CC2D2B: variants seen among roughly 807,000 people sequenced by gnomAD.
The protein encoded by CC2D2B is coiled-coil and C2 domain containing 2B.
In CC2D2B, 128 loss-of-function variants were observed where a neutral mutation model predicts 161.2. The observed-to-expected ratio is 0.79, with a 90% CI of 0.69 to 0.92. The LOEUF (loss-of-function observed/expected upper bound fraction) is 0.92, where lower values mean the gene tolerates loss of function less well. Among genes scored for constraint, CC2D2B ranks in the 40% least tolerant of loss-of-function variants. CC2D2B has a pLI of 0.00. For missense variants in CC2D2B, 1,173 were observed against 1,375.1 expected (o/e 0.85, Z 2.32); for synonymous variants, 391 against 449.8 (o/e 0.87, Z 1.65).
At chr10:96,007,940 G>A (rs898180524) in intron 25 of CC2D2B, among the ~76,000 whole-genome samples, 1 of 152,030 alleles carries the variant, frequency 6.6e-6, no homozygotes, top group African/African-American at 2.4e-5. Context: ...TGATTAGCAT[G>A]CAATAATCTG....
At chr10:96,022,827 T>G (rs2079527916) in intron 32 of CC2D2B, 1 of 152,222 alleles carries the variant, frequency 6.6e-6, no homozygotes. Context: ...CAGAAGATAT[T>G]ATGGTGCTTT....
At position 96,033,351 on chromosome 10, in the gene CC2D2B, A is replaced by T. The variant is rs2080118440; in HGVS notation, c.*1343A>T. Among the ~76,000 whole-genome samples, 1 of 152,200 alleles carries T rather than the reference A, an allele frequency of 6.6e-6. No homozygotes were observed. The highest frequency in any genetic ancestry group is 6.5e-5 in the Admixed American group (1 of 15,274). ...GGCAAAGTAGGGACATGGGTGAAGG[A>T]ATGTTTTTTTCTCCCAGGTTAAAAC... On this transcript the variant is annotated 3_prime_UTR_variant, in exon 35 of 35. Transcript: ENST00000646931.
At chr10:95,975,619 A>G (rs1489048463) in intron 17 of CC2D2B, among the ~76,000 whole-genome samples, 4 of 152,226 alleles carry the variant, frequency 2.6e-5, no homozygotes, top group Non-Finnish European at 5.9e-5. Context: ...AAGGTCCTTC[A>G]GAGTCAGGAA....
intron 30 of CC2D2B, 150 bp from the exon 31 acceptor site, chr10:96,019,053 C>T (rs1279376034): frequency 3.4e-6 from 2 of 582,424 alleles, no homozygotes; most frequent in East Asian, 3.1e-5. Flanking sequence ...GTGATCCTCC[C>T]ACCTCAGCCT....
At chr10:95,986,393 T>C (rs1243654296) in intron 19 of CC2D2B, among the ~76,000 whole-genome samples, 1 of 151,624 alleles carries the variant, frequency 6.6e-6, no homozygotes, top group Admixed American at 6.6e-5. Flanking sequence ...TGGAAAAGAA[T>C]GAAGGATGCA....
chr10:95,985,873 T>G (rs1302550061), intron 19 of CC2D2B, among the ~76,000 whole-genome samples: 1 of 152,148 alleles, frequency 6.6e-6, no homozygotes, highest in African/African-American at 2.4e-5. Flanking sequence ...CTTTTACAGT[T>G]GTGGATACAG....
chr10:95,973,178 A>AGAAC (rs930550370), intron 16 of CC2D2B, among the ~76,000 whole-genome samples: 4 of 152,106 alleles, frequency 2.6e-5, no homozygotes, highest in African/African-American at 9.7e-5. Flanking sequence ...GAACGAGGGA[A>AGAAC]GAACGGAGTT....
intron 20 of CC2D2B, among the ~76,000 whole-genome samples, chr10:95,991,106 A>C (rs899570705): frequency 1.3e-5 from 2 of 152,212 alleles, no homozygotes; most frequent in African/African-American, 4.8e-5. Flanking sequence ...AAAATAAGAG[A>C]GCAAAGAGTT....
intron 19 of CC2D2B, among the ~76,000 whole-genome samples, chr10:95,984,104 C>A (rs1049101838): frequency 7.2e-5 from 11 of 152,212 alleles, no homozygotes; most frequent in Admixed American, 2.6e-4. Context: ...AATGTATCAC[C>A]AATTTAAAAG....
Position 95,972,184 on chromosome 10 carries a change from T to C in CC2D2B, c.1763T>C (p.Leu588Pro). The C allele has an allele frequency of 8.1e-7, 1 of 1,232,110 alleles. No individual in the cohort carries two copies. The highest frequency in any genetic ancestry group is 1.0e-6 in the Non-Finnish European group (1 of 987,904). The allele number at this position is 1,232,110 out of a possible 1,614,324, so 76.3% of individuals were successfully genotyped here. ...TATGTAGAGTTTAGCTCTGATAAGC[T>C]GGTCATGCCTGCCGATGGAGAAGTA... ...LQYVEFSSDK[L>P]VMPADGEVGS... Residue 588 changes from leucine to proline, a missense_variant, in exon 16 of 35, where the codon CTG becomes CCG. Around this residue, in one of 3 missense-constraint regions of CC2D2B, gnomAD observed 277 missense variants for 420.6 expected, o/e 0.66. Coordinates refer to ENST00000646931, the MANE Select transcript of CC2D2B (RefSeq NM_001349008.3).
chr10:95,986,788 G>T (rs780577967), intron 19 of CC2D2B, among the ~76,000 whole-genome samples: 7 of 151,844 alleles, frequency 4.6e-5, no homozygotes, highest in Non-Finnish European at 1.0e-4. Context: ...GTAGAGACAG[G>T]GTTTTGTCAT....
chr10:96,019,618 CTG>C (rs2079366337), intron 31 of CC2D2B, 82 bp from the exon 32 acceptor site: 3 of 1,325,428 alleles, frequency 2.3e-6, no homozygotes, highest in Non-Finnish European at 3.1e-6. Flanking sequence ...AGTAGTAAGA[CTG>C]TAAAATTTTG....
At position 95,961,926 on chromosome 10, in the gene CC2D2B, G is replaced by A; in HGVS notation, c.1207G>A (p.Gly403Arg). ...GAAACAGATTAAATCTCTTCGACAT[G>A]GGCAAGGGTTTACAAGCACCCCAAT... ...TWKQIKSLRH[G>R]QGFTSTPIKL... is the part of the protein sequence containing the mutation. The change falls in exon 12 of 35, where the codon GGG (glycine) becomes AGG (arginine). Residue 403 changes from glycine to arginine, a missense_variant. Transcript: ENST00000646931. 8.1e-7 allele frequency: 1 copy of A among 1,231,526 alleles called. No homozygotes were observed. The highest frequency in any genetic ancestry group is 1.0e-6 in the Non-Finnish European group (1 of 987,600). The allele number at this position is 1,231,526 out of a possible 1,614,324, so 76.3% of individuals were successfully genotyped here. A position where few individuals can be genotyped will look rare whatever the true frequency, so the allele number is the denominator to read the frequency against.
intron 29 of CC2D2B, among the ~76,000 whole-genome samples, chr10:96,014,744 A>T (rs2079119094): frequency 6.6e-6 from 1 of 152,190 alleles, no homozygotes; most frequent in South Asian, 2.1e-4. Flanking sequence ...CCCTACTGTC[A>T]TCCTCTCCCT....
chr10:95,956,315 A>G (rs907687107), intron 11 of CC2D2B, among the ~76,000 whole-genome samples: 2 of 152,150 alleles, frequency 1.3e-5, no homozygotes, highest in African/African-American at 2.4e-5. Flanking sequence ...AATAAGAGCC[A>G]GTAGAAATAA....
Position 95,996,223 on chromosome 10 carries a change from C to A in CC2D2B, c.2820C>A (p.Cys940Ter). 1 of 1,499,572 alleles carries A rather than the reference C, an allele frequency of 6.7e-7. No individual in the cohort carries two copies. The highest frequency in any genetic ancestry group is 1.3e-5 in the South Asian group (1 of 78,558). 92.9% of individuals were successfully genotyped at this position (1,499,572 alleles called of 1,614,324 possible). A position where few individuals can be genotyped will look rare whatever the true frequency, so the allele number is the denominator to read the frequency against. Residue 940 changes from cysteine (C) to a stop codon, truncating the protein, a stop_gained, in exon 24 of 35, where the codon TGC becomes TGA. Coordinates refer to ENST00000646931, the MANE Select transcript of CC2D2B (RefSeq NM_001349008.3). LOFTEE classifies it high-confidence loss of function. ...ATACAGCAAGTGGATCTCATCCATGCTGGAATGAAGAAATTAAAGTAGATT... is the reference window on the plus strand; with the variant it reads ...ATACAGCAAGTGGATCTCATCCATGATGGAATGAAGAAATTAAAGTAGATT... Reference protein sequence around the residue: ...KTNTASGSHPCWNEEIKVDFV... With the variant: ...KTNTASGSHP
chr10:96,022,012 A>C lies in CC2D2B; in HGVS notation c.3888+2188A>C, dbSNP rs1396845366. ...TGGGGGAAGAAATCAAAGAGGGCCCAAGTGTATAAAGTGATGGATTTCTGG... is the reference window on the plus strand; with the variant it reads ...TGGGGGAAGAAATCAAAGAGGGCCCCAGTGTATAAAGTGATGGATTTCTGG... On this transcript the variant is annotated intron_variant, in intron 32 of 34. Transcript: ENST00000646931. Among the ~76,000 whole-genome samples, 4 of 152,268 alleles carry C rather than the reference A, an allele frequency of 2.6e-5. No homozygotes were observed. The East Asian group carries it at 7.7e-4, about 29-fold the overall frequency.
intron 22 of CC2D2B, chr10:95,992,953 C>T (rs972083160): frequency 3.8e-6 from 1 of 264,096 alleles, no homozygotes; most frequent in Admixed American, 5.4e-5. Context: ...CTCACCTTCT[C>T]ATACTGTATC....
At chr10:96,025,266 G>C (rs960576871) in intron 33 of CC2D2B, among the ~76,000 whole-genome samples, 20 of 138,734 alleles carry the variant, frequency 1.4e-4, no homozygotes, top group African/African-American at 4.6e-4. Context: ...GACTAAGAGG[G>C]GGAGGATCGC....
Sources: gnomAD v4.1 joint callset for allele counts (sites outside exome capture counted in the v4.1 genomes callset) on GRCh38, gnomAD v4.1.1 for gene constraint, gnomAD v4.1.1 regional missense constraint, MANE v1.5 for transcripts, NCBI Gene and HGNC (gene_info 2026-07-23, HGNC 2026-07-21) for gene names.